The following LY75 variants were observed in gnomAD, a reference collection of about 807,000 sequenced individuals.
LY75 encodes the protein lymphocyte antigen 75, also known as C-type lectin domain family 13 member B.
LY75 carries 185 observed loss-of-function variants against 231.7 expected under a neutral mutation model. The observed-to-expected ratio is 0.80, with a 90% confidence interval of 0.71 to 0.90. The LOEUF is 0.90. LY75 is among the 40% of genes least tolerant of loss of function. The probability of loss-of-function intolerance (pLI) is 0.00; values close to 1 mark genes in which losing one functional copy is unlikely to be tolerated. For missense variants in LY75, 1,947 were observed against 2,050.2 expected (o/e 0.95, Z 0.97); for synonymous variants, 668 against 689.0 (o/e 0.97, Z 0.48).
chr2:159,821,951 C>A (rs1286852491), intron 28 of LY75, among the ~76,000 whole-genome samples: 1 of 152,186 alleles, frequency 6.6e-6, no homozygotes, highest in Non-Finnish European at 1.5e-5. Context: ...GAATTTTCTC[C>A]CCTATCCAAG....
chr2:159,815,108 C>T (rs563772116), intron 31 of LY75, among the ~76,000 whole-genome samples: 2 of 150,864 alleles, frequency 1.3e-5, no homozygotes, highest in South Asian at 4.2e-4. Context: ...TCACGCCATT[C>T]TCCCGCCTCA....
intron 2 of LY75, among the ~76,000 whole-genome samples, chr2:159,897,896 C>A (rs1267231189): frequency 6.6e-6 from 1 of 152,174 alleles, no homozygotes; most frequent in East Asian, 1.9e-4. Context: ...AGGGCTAAGT[C>A]CATGGTCCGC....
chr2:159,849,985 C>G lies in LY75; in HGVS notation c.3145G>C (p.Glu1049Gln). 1 of 1,607,880 alleles carries G rather than the reference C, an allele frequency of 6.2e-7. No homozygotes were observed. The highest frequency in any genetic ancestry group is 8.5e-7 in the Non-Finnish European group (1 of 1,178,366). ...TGGTTTTTAAAAAAACTTACATTTT[C>G]TGGTATTCTCAGCCTCCCACTAACC... ...LLVSGRLRIP[E>Q]NFFEEESRYH... The change falls in exon 23 of 35, where the codon GAA becomes CAA. Residue 1049 changes from glutamate to glutamine, a missense_variant. By Grantham distance (29) the Glu-to-Gln change is conservative. Coordinates refer to ENST00000263636, the MANE Select transcript of LY75 (RefSeq NM_002349.4).
In LY75 at chr2:159,834,202, T is replaced by G. The variant is rs755134834; in HGVS notation, c.3683A>C (p.Glu1228Ala). Residue 1228 changes from glutamate (E) to alanine (A), a missense_variant, in exon 27 of 35, where the codon GAA becomes GCA. Transcript: ENST00000263636. The stretch of plus-strand genomic sequence containing the variant: ...ACTGTCAACTGGTTTGACCTCTTTT[T>G]CAGTCTCATCTAGAAAAAGAGTTAA... ...AICYYSGNET[E>A]KEVKPVDSVK... 1 of 1,613,718 alleles carries G rather than the reference T, an allele frequency of 6.2e-7. No homozygotes were observed. The highest frequency in any genetic ancestry group is 8.5e-7 in the Non-Finnish European group (1 of 1,179,814).
intron 25 of LY75, among the ~76,000 whole-genome samples, chr2:159,838,821 A>T (rs1386624342): frequency 6.6e-6 from 1 of 152,058 alleles, no homozygotes; most frequent in Non-Finnish European, 1.5e-5. Flanking sequence ...TTAGAGATGG[A>T]GTCTCACTCT....
At chr2:159,827,223 T>C (rs991966806) in intron 28 of LY75, among the ~76,000 whole-genome samples, 2 of 152,172 alleles carry the variant, frequency 1.3e-5, no homozygotes, top group African/African-American at 2.4e-5. Context: ...GACAAAGGGC[T>C]AATATCCAGA....
chr2:159,834,432 A>T (rs1683758779), intron 26 of LY75, among the ~76,000 whole-genome samples: 1 of 152,182 alleles, frequency 6.6e-6, no homozygotes, highest in Non-Finnish European at 1.5e-5. Context: ...TGTGGCATGG[A>T]AGAATGTAAA....
At chr2:159,862,386 A>G (rs1264567704) in intron 14 of LY75, among the ~76,000 whole-genome samples, 1 of 151,648 alleles carries the variant, frequency 6.6e-6, no homozygotes, top group Non-Finnish European at 1.5e-5. Context: ...TGAGCCTGGG[A>G]GGTGAAGGTT....
intron 28 of LY75, among the ~76,000 whole-genome samples, chr2:159,820,550 AG>A (rs1285606172): frequency 6.6e-6 from 1 of 152,172 alleles, no homozygotes; most frequent in African/African-American, 2.4e-5. Context: ...GGAGGGGATG[AG>A]GGATAAAAGA....
At chr2:159,894,586 A>G (rs1685856425) in intron 2 of LY75, among the ~76,000 whole-genome samples, 1 of 152,230 alleles carries the variant, frequency 6.6e-6, no homozygotes, top group African/African-American at 2.4e-5. Context: ...AGAAAGATGG[A>G]CAAATAGTCC....
chr2:159,868,465 T>C (rs1376074578), intron 13 of LY75, among the ~76,000 whole-genome samples: 2 of 152,170 alleles, frequency 1.3e-5, no homozygotes, highest in African/African-American at 4.8e-5. Context: ...GGAGCTAGGA[T>C]TTGAGGTGAT....
Position 159,852,765 on chromosome 2 carries a change from G to A in LY75, c.2744-425C>T, listed in dbSNP as rs1468683519. 3.3e-5 allele frequency among the ~76,000 whole-genome samples: 5 copies of A among 152,276 alleles called. No individual in the cohort carries two copies. The East Asian group carries it at 9.6e-4, about 29-fold the overall frequency. On this transcript the variant is annotated intron_variant, in intron 20 of 34. Transcript: ENST00000263636. ...AACCCAGTAGTAAAGAAAGGCTCTT[G>A]AAATCAATCTTTCCTAAATGCTTAA...
intron 30 of LY75, among the ~76,000 whole-genome samples, chr2:159,815,994 G>C (rs1574523372): frequency 6.6e-6 from 1 of 152,026 alleles, no homozygotes; most frequent in African/African-American, 2.4e-5. Flanking sequence ...TCACACTACA[G>C]AGGACACCAA....
intron 4 of LY75, among the ~76,000 whole-genome samples, chr2:159,887,548 A>G (rs1685627773): frequency 7.4e-6 from 1 of 134,812 alleles, no homozygotes; most frequent in African/African-American, 2.6e-5. Context: ...GCAGAGCAGG[A>G]CTCTGTCTCA....
At chr2:159,892,341 G>A (rs189535511) in intron 3 of LY75, among the ~76,000 whole-genome samples, 1 of 152,182 alleles carries the variant, frequency 6.6e-6, no homozygotes, top group Non-Finnish European at 1.5e-5. Context: ...AGCTGTTTGG[G>A]ACAAGGACTT....
At chr2:159,824,893 T>TG (rs1683410986) in intron 28 of LY75, among the ~76,000 whole-genome samples, 1 of 152,162 alleles carries the variant, frequency 6.6e-6, no homozygotes, top group African/African-American at 2.4e-5. Flanking sequence ...GAAATAAAGA[T>TG]GTTCTTTGAA....
chr2:159,850,108 C>T lies in LY75; in HGVS notation c.3022G>A (p.Ala1008Thr). 1.2e-6 allele frequency: 2 copies of T among 1,611,990 alleles called. No individual in the cohort carries two copies. The highest frequency in any genetic ancestry group is 2.7e-5 in the African/African-American group (2 of 74,922). ...FITSLLPDME[A>T]TLWIGLRWTA... ...CAGCGCAAACCAATCCATAAAGTAG[C>T]TTCCATATCCGGAAGCAAGGATGTA... The change falls in exon 23 of 35, where the codon GCT (alanine) becomes ACT (threonine). Residue 1008 changes from alanine to threonine, a missense_variant. Transcript: ENST00000263636.
intron 14 of LY75, among the ~76,000 whole-genome samples, chr2:159,861,409 CA>C (rs775496630): frequency 2.0e-4 from 31 of 152,184 alleles, no homozygotes; most frequent in Non-Finnish European, 4.1e-4. Context: ...GGAATAATAG[CA>C]AGGATTTTCT....
At chr2:159,824,199 G>A (rs1683390912) in intron 28 of LY75, among the ~76,000 whole-genome samples, 1 of 152,104 alleles carries the variant, frequency 6.6e-6, no homozygotes, top group Non-Finnish European at 1.5e-5. Context: ...GTTCAGATGA[G>A]ATGGGTTCAG....
Sources: allele counts gnomAD v4.1 joint callset (sites outside exome capture counted in the v4.1 genomes callset), GRCh38; gene constraint gnomAD v4.1.1; transcripts MANE v1.5; gene names NCBI Gene and HGNC (gene_info 2026-07-23, HGNC 2026-07-21).